C8B: variants seen among roughly 807,000 people sequenced by gnomAD.
The protein encoded by C8B is complement component C8 beta chain.
A neutral mutation model predicts 64.6 loss-of-function variants in C8B; 67 were observed. The observed-to-expected ratio is 1.04, with a 90% CI of 0.85 to 1.27. The LOEUF (loss-of-function observed/expected upper bound fraction) is 1.27, where lower values mean the gene tolerates loss of function less well. Ranked by LOEUF, C8B falls within the 50% of genes most tolerant of loss-of-function variation. The pLI is 0.00. For missense variants in C8B, 790 were observed against 725.2 expected, an observed-to-expected ratio of 1.09 and a Z score of -1.03; for synonymous variants, 284 against 257.7, an observed-to-expected ratio of 1.10 and a Z score of -0.98.
intron 9 of C8B, among the ~76,000 whole-genome samples, chr1:56,938,386 C>T (rs1477311630): frequency 6.6e-6 from 1 of 152,174 alleles, no homozygotes; most frequent in South Asian, 2.1e-4. Context: ...AGCCACTTGC[C>T]TTTTCATCTG....
chr1:56,958,612 G>A (rs1024230862), intron 2 of C8B, among the ~76,000 whole-genome samples: 4 of 152,180 alleles, frequency 2.6e-5, no homozygotes, highest in African/African-American at 9.7e-5. Flanking sequence ...TGAGCCCCCA[G>A]CCAGTGACCC....
Position 56,949,642 on chromosome 1 carries a change from T to C in C8B, c.777A>G (p.Lys259=), listed in dbSNP as rs981802056. The C allele has an allele frequency of 3.1e-6, 5 of 1,614,018 alleles. No individual in the cohort carries two copies. In the African/African-American group the frequency reaches 4.0e-5, roughly 13 times the overall value. The change falls in exon 6 of 12, where the codon AAA becomes AAG. Residue 259 remains lysine, a synonymous_variant. Transcript: ENST00000371237. ...TGCCAAGTTCAAATATTCCAGGTAT[T>C]TTAAAACCAAAACTGAAACCAGACT... ...ASKSGFSFGF[K]IPGIFELGIS... is the part of the protein sequence containing the mutation.
At chr1:56,936,971 A>G (rs1644784907) in intron 9 of C8B, among the ~76,000 whole-genome samples, 1 of 152,194 alleles carries the variant, frequency 6.6e-6, no homozygotes, top group African/African-American at 2.4e-5. Flanking sequence ...CTTTCCAGGC[A>G]TATGCTGCCA....
intron 4 of C8B, among the ~76,000 whole-genome samples, chr1:56,953,026 T>C (rs887551394): frequency 2.0e-5 from 3 of 152,194 alleles, no homozygotes; most frequent in African/African-American, 7.2e-5. Context: ...TTACTGAGGG[T>C]GTAACTGGTG....
At chr1:56,946,636 C>T (rs1644947015) in intron 6 of C8B, among the ~76,000 whole-genome samples, 1 of 152,194 alleles carries the variant, frequency 6.6e-6, no homozygotes, top group Admixed American at 6.5e-5. Context: ...ATAGTTGCAA[C>T]AGAGACCTTG....
intron 1 of C8B, chr1:56,964,128 A>C (rs549305519): frequency 2.3e-5 from 8 of 350,794 alleles, no homozygotes; most frequent in Non-Finnish European, 3.2e-5. Flanking sequence ...TTGTTCTCTT[A>C]CATAGCGAGA....
In C8B at chr1:56,933,430, C is replaced by T. The variant is rs2101357613; in HGVS notation, c.1457G>A (p.Arg486Lys). Residue 486 changes from arginine (R) to lysine (K), a missense_variant, in exon 10 of 12, where the codon AGG (arginine) becomes AAG (lysine). Transcript: ENST00000371237. Reference protein sequence around the residue: ...ATDFAYSSTVRQNMKQALEEF... With the variant: ...ATDFAYSSTVKQNMKQALEEF... ...CTCCAGTGCCTGCTTCATGTTCTGC[C>T]TCACTGTGCTGGAATAGGCAAAATC... 6.2e-7 allele frequency: 1 copy of T among 1,613,812 alleles called. No homozygotes were observed. The highest frequency in any genetic ancestry group is 8.5e-7 in the Non-Finnish European group (1 of 1,179,732).
chr1:56,942,932 T>A (rs1644885187), intron 8 of C8B, among the ~76,000 whole-genome samples: 1 of 150,408 alleles, frequency 6.6e-6, no homozygotes, highest in East Asian at 2.0e-4. Context: ...ATAAAATAAA[T>A]AATAATAATA....
At chr1:56,948,351 T>A (rs1406532879) in intron 6 of C8B, among the ~76,000 whole-genome samples, 1 of 152,100 alleles carries the variant, frequency 6.6e-6, no homozygotes, top group East Asian at 1.9e-4. Context: ...TACTGAAGGA[T>A]TTGGTAATCA....
chr1:56,960,311 C>A (rs1002440559), intron 1 of C8B, 135 bp from the exon 2 acceptor site: 18 of 760,552 alleles, frequency 2.4e-5, no homozygotes, highest in Non-Finnish European at 3.6e-5. Context: ...TCCAGGATAA[C>A]CTATCCTGGA....
In C8B at chr1:56,954,823, C is replaced by A; in HGVS notation, c.396G>T (p.Arg132Ser). Residue 132 changes from arginine (R) to serine (S), a missense_variant, in exon 4 of 12, where the codon AGG becomes AGT. Coordinates refer to ENST00000371237, the MANE Select transcript of C8B (RefSeq NM_000066.4). ...CEGFVCAQTG[R>S]CVNRRLLCNG... ...TGCAAAGAAGTCTGCGGTTTACACA[C>A]CTTCCTAGAATGGAGAAAGAGTATT... is the stretch of plus-strand genomic sequence containing the variant. 6.2e-7 allele frequency: 1 copy of A among 1,614,138 alleles called. No homozygotes were observed. The highest frequency in any genetic ancestry group is 8.5e-7 in the Non-Finnish European group (1 of 1,179,998).
intron 3 of C8B, among the ~76,000 whole-genome samples, chr1:56,955,758 C>T (rs1293806898): frequency 1.3e-5 from 2 of 152,164 alleles, no homozygotes; most frequent in Non-Finnish European, 2.9e-5. Flanking sequence ...TTGCAATAAC[C>T]CCTAGAAATT....
intron 1 of C8B, among the ~76,000 whole-genome samples, chr1:56,965,250 A>T (rs1310233541): frequency 6.6e-6 from 1 of 152,128 alleles, no homozygotes; most frequent in African/African-American, 2.4e-5. Context: ...TGGCTCTTCT[A>T]TCACTGGAGC....
chr1:56,951,564 T>G (rs945181940), intron 5 of C8B, among the ~76,000 whole-genome samples: 1 of 152,204 alleles, frequency 6.6e-6, no homozygotes, highest in Non-Finnish European at 1.5e-5. Flanking sequence ...GGCAGGGATT[T>G]GATAAGAATG....
Position 56,956,880 on chromosome 1 carries a change from G to A in C8B, c.280C>T (p.Gln94Ter). ...AAGTTGCACGGTTCCCCATGGAACT[G>A]AGAGGGCTGGAGCAAGTAGGCATAC... is the stretch of plus-strand genomic sequence containing the variant. ...YRYAYLLQPS[Q>*]FHGEPCNFSD... is the part of the protein sequence containing the mutation. The change falls in exon 3 of 12, where the codon CAG (glutamine) becomes TAG (stop). Residue 94 changes from glutamine (Q) to a stop codon, truncating the protein, a stop_gained. Coordinates refer to ENST00000371237, the MANE Select transcript of C8B (RefSeq NM_000066.4). LOFTEE classifies it high-confidence loss of function. 1.2e-6 allele frequency: 2 copies of A among 1,614,126 alleles called. No homozygotes were observed. The highest frequency in any genetic ancestry group is 1.1e-5 in the South Asian group (1 of 91,080).
At chr1:56,933,532 T>A in intron 9 of C8B, 44 bp from the exon 10 acceptor site, 3 of 1,570,212 alleles carry the variant, frequency 1.9e-6, no homozygotes, top group Non-Finnish European at 2.6e-6. Flanking sequence ...AAAACATTTA[T>A]CAAGTAGAAG....
At position 56,949,552 on chromosome 1, in the gene C8B, T is replaced by TA; in HGVS notation, c.864+2dup. 1 of 1,607,456 alleles carries TA rather than the reference T, an allele frequency of 6.2e-7. No homozygotes were observed. Among genetic ancestry groups the TA allele is most frequent in the Non-Finnish European group, 8.5e-7 (1 of 1,174,014 alleles). ...CGTTTAAAAGCAACAAAGACATACT[T>TA]ACAGTATGAGAGAATCGTTTGGTTC... is the stretch of plus-strand genomic sequence containing the variant. On this transcript the variant is annotated splice_region_variant and intron_variant, in intron 6 of 11. Coordinates refer to ENST00000371237, the MANE Select transcript of C8B (RefSeq NM_000066.4).
Position 56,931,885 on chromosome 1 carries a change from A to C in C8B, c.1553-7T>G, listed in dbSNP as rs1442543530. 3 of 1,609,824 alleles carry C rather than the reference A, an allele frequency of 1.9e-6. No individual in the cohort carries two copies. In the African/African-American group the frequency reaches 4.0e-5, roughly 22 times the overall value. The stretch of plus-strand genomic sequence containing the variant: ...ATGCAGTCACAGCGTGATCCTGAGA[A>C]GACAAGGCAGAGAAAGTGTGAATCA... On this transcript the variant is annotated splice_region_variant and splice_polypyrimidine_tract_variant and intron_variant, in intron 10 of 11. Transcript: ENST00000371237.
intron 9 of C8B, among the ~76,000 whole-genome samples, chr1:56,940,224 A>G (rs1644831383): frequency 1.3e-5 from 2 of 152,262 alleles, no homozygotes; most frequent in South Asian, 4.1e-4. Flanking sequence ...TTAATTGATT[A>G]AATTTAATTG....
Sources: allele counts gnomAD v4.1 joint callset (sites outside exome capture counted in the v4.1 genomes callset), GRCh38; gene constraint gnomAD v4.1.1; transcripts MANE v1.5; gene names NCBI Gene and HGNC (gene_info 2026-07-23, HGNC 2026-07-21).